The following LMO7 variants were observed in gnomAD, a reference collection of about 807,000 sequenced individuals.
LMO7 encodes LIM domain 7.
A neutral mutation model predicts 206.5 loss-of-function variants in LMO7; 120 were observed. The ratio of observed to expected loss-of-function variants is 0.58; its 90% CI spans 0.50 to 0.68. The LOEUF is 0.68. Among genes scored for constraint, LMO7 ranks in the 30% least tolerant of loss-of-function variants. The pLI, the probability that LMO7 is intolerant of heterozygous loss-of-function variation, is 0.00. For missense variants in LMO7, 1,959 were observed against 1,957.9 expected (o/e 1.00, Z -0.01); for synonymous variants, 706 against 681.5 (o/e 1.04, Z -0.56).
Position 75,835,341 on chromosome 13 carries a change from T to C in LMO7, c.3333+2T>C. On this transcript the variant is annotated splice_donor_variant, in intron 18 of 30. Transcript: ENST00000377534. LOFTEE classifies it high-confidence loss of function. ...TTCTCCGAAAGCCTTCAGAGTTCTG[T>C]GAGTATTTGGAGAAGTAGGAAGTAC... 5.0e-6 allele frequency: 8 copies of C among 1,588,398 alleles called. No individual in the cohort carries two copies. Among genetic ancestry groups the C allele is most frequent in the Non-Finnish European group, 6.9e-6 (8 of 1,165,488 alleles).
intron 29 of LMO7, among the ~76,000 whole-genome samples, chr13:75,856,253 T>G (rs1040194257): frequency 4.6e-5 from 7 of 152,262 alleles, no homozygotes; most frequent in Middle Eastern, 3.4e-3. Flanking sequence ...ATCAGCAAAT[T>G]ATTTCTATTT....
intron 28 of LMO7, 193 bp from the exon 29 acceptor site, chr13:75,855,067 C>T (rs1250437437): frequency 1.2e-5 from 6 of 512,360 alleles, no homozygotes; most frequent in Non-Finnish European, 2.1e-5. Flanking sequence ...CTCAGAGCTG[C>T]CATGGAGATG....
At chr13:75,638,669 A>G (rs2036214659) in intron 1 of LMO7, among the ~76,000 whole-genome samples, 1 of 152,120 alleles carries the variant, frequency 6.6e-6, no homozygotes, top group Non-Finnish European at 1.5e-5. Context: ...TACTCTGGGC[A>G]TTTGAAATGA....
chr13:75,732,794 G>T (rs2045384052), intron 3 of LMO7, among the ~76,000 whole-genome samples: 1 of 152,096 alleles, frequency 6.6e-6, no homozygotes, highest in South Asian at 2.1e-4. Context: ...TGTACAGATG[G>T]GTTTTTGGTG....
At chr13:75,678,002 A>C (rs189293151) in intron 1 of LMO7, among the ~76,000 whole-genome samples, 1 of 152,076 alleles carries the variant, frequency 6.6e-6, no homozygotes, top group Non-Finnish European at 1.5e-5. Flanking sequence ...ATAGTATTCC[A>C]TGGTGTATAT....
chr13:75,857,690 G>A (rs2061079532), intron 30 of LMO7: 1 of 368,652 alleles, frequency 2.7e-6, no homozygotes, highest in Non-Finnish European at 4.9e-6. Context: ...AGAGAGTTGA[G>A]TGTAATTTAT....
chr13:75,636,718 TG>T lies in LMO7; in HGVS notation c.64del (p.Val22TrpfsTer4), dbSNP rs1273660967. 9 of 1,607,536 alleles carry T rather than the reference TG, an allele frequency of 5.6e-6. No individual in the cohort carries two copies. The highest frequency in any genetic ancestry group is 5.1e-5 in the Admixed American group (3 of 59,340). On this transcript the variant is annotated frameshift_variant, in exon 1 of 31. Transcript: ENST00000377534. LOFTEE classifies it high-confidence loss of function. ...CSVAFAEAQRWVEAVTEKNFE... is the reference protein window; with the variant it reads ...CSVAFAEAQRXVEAVTEKNFE... Reference sequence around the variant, plus strand: ...CGTGGCGTTCGCTGAGGCTCAGAGATGGGTGGAGGTGAGTGCCTTTCACTGC... The same window carrying T: ...CGTGGCGTTCGCTGAGGCTCAGAGATGGTGGAGGTGAGTGCCTTTCACTGC...
chr13:75,626,730 G>A, intron 2 of LMO7: 1 of 151,016 alleles, frequency 6.6e-6, no homozygotes, highest in Non-Finnish European at 1.5e-5. Context: ...GACCAGAGTT[G>A]CACGTCACCA....
chr13:75,637,317 G>T (rs11617360), intron 1 of LMO7, among the ~76,000 whole-genome samples: 28,799 of 152,026 alleles, frequency 0.19, 3,519 homozygotes, highest in Admixed American at 0.35. Flanking sequence ...TTTCATTTTC[G>T]GCTTTGATGA....
At chr13:75,778,627 G>GTC (rs1411195995) in intron 4 of LMO7, among the ~76,000 whole-genome samples, 14 of 152,234 alleles carry the variant, frequency 9.2e-5, no homozygotes, top group African/African-American at 2.9e-4. Flanking sequence ...ATCATTGGCA[G>GTC]TCGTTCCAGG....
At chr13:75,647,684 C>T (rs535300774) in intron 1 of LMO7, among the ~76,000 whole-genome samples, 4 of 146,990 alleles carry the variant, frequency 2.7e-5, no homozygotes, top group African/African-American at 9.7e-5. Context: ...ATAGCTTTAC[C>T]CTGTTTAGAA....
At chr13:75,785,035 C>G (rs1000503957) in intron 4 of LMO7, among the ~76,000 whole-genome samples, 1 of 151,948 alleles carries the variant, frequency 6.6e-6, no homozygotes, top group Non-Finnish European at 1.5e-5. Context: ...GTTGTATATA[C>G]AGGATAGTGG....
intron 1 of LMO7, among the ~76,000 whole-genome samples, chr13:75,672,764 T>C (rs1594192934): frequency 6.6e-6 from 1 of 151,718 alleles, no homozygotes; most frequent in African/African-American, 2.4e-5. Flanking sequence ...AAGATGAAAA[T>C]GATATCTCAT....
chr13:75,756,868 G>A (rs1262460838), intron 3 of LMO7, among the ~76,000 whole-genome samples: 3 of 152,114 alleles, frequency 2.0e-5, no homozygotes, highest in African/African-American at 7.2e-5. Flanking sequence ...AATATTTTGG[G>A]GCCTTATTAG....
At chr13:75,650,991 G>T (rs1026701767) in intron 1 of LMO7, among the ~76,000 whole-genome samples, 6 of 152,160 alleles carry the variant, frequency 3.9e-5, no homozygotes, top group East Asian at 1.9e-4. Flanking sequence ...ATGAAGAAAA[G>T]AAATGCATTT....
intron 1 of LMO7, among the ~76,000 whole-genome samples, chr13:75,649,639 A>G (rs1394506132): frequency 1.3e-5 from 2 of 152,206 alleles, no homozygotes; most frequent in Admixed American, 6.5e-5. Context: ...GGAAGAGGTC[A>G]GAAGAGCTAT....
At chr13:75,714,733 A>G (rs1240991457) in intron 2 of LMO7, among the ~76,000 whole-genome samples, 4 of 152,204 alleles carry the variant, frequency 2.6e-5, no homozygotes, top group Non-Finnish European at 5.9e-5. Context: ...CACATAGCCC[A>G]ACTGGTCACT....
intron 1 of LMO7, among the ~76,000 whole-genome samples, chr13:75,647,397 A>G (rs1029972276): frequency 2.6e-5 from 4 of 152,126 alleles, no homozygotes; most frequent in South Asian, 2.1e-4. Flanking sequence ...GCAAGTTTTG[A>G]ACATGTTTTT....
At chr13:75,838,347 G>T in intron 20 of LMO7, 151 bp downstream of exon 20, 1 of 1,516,104 alleles carries the variant, frequency 6.6e-7, no homozygotes, top group Non-Finnish European at 8.8e-7. Context: ...CTTTCCCTAG[G>T]GTCATCAGGC....
Sources: gnomAD v4.1 joint callset for allele counts (sites outside exome capture counted in the v4.1 genomes callset) on GRCh38, gnomAD v4.1.1 for gene constraint, MANE v1.5 for transcripts, NCBI Gene and HGNC (gene_info 2026-07-23, HGNC 2026-07-21) for gene names.